CIMIP2C: variants seen among roughly 807,000 people sequenced by gnomAD.
CIMIP2C encodes ciliary microtubule inner protein 2C.
chr2:26,576,680 TG>T, the CIMIP2C span, among the ~76,000 whole-genome samples: 8 of 152,138 alleles, frequency 5.3e-5, no homozygotes, highest in African/African-American at 1.4e-4. Context: ...TGCAGCCCCC[TG>T]GGGGCATGCT....
At chr2:26,567,994 C>G in the CIMIP2C span, among the ~76,000 whole-genome samples, 2 of 152,152 alleles carry the variant, frequency 1.3e-5, no homozygotes, top group East Asian at 3.9e-4. Context: ...AAGGGACCTC[C>G]TCGTGTGAAG....
chr2:26,578,620 C>T, the CIMIP2C span: 1 of 373,920 alleles, frequency 2.7e-6, no homozygotes, highest in Non-Finnish European at 5.4e-6. Flanking sequence ...CGGGGGCTCT[C>T]TCTAATCTTG....
chr2:26,579,497 T>C, the CIMIP2C span: 1 of 1,577,410 alleles, frequency 6.3e-7, no homozygotes, highest in Non-Finnish European at 8.6e-7. Context: ...CCAGCCTGGC[T>C]TGCTTGGAAT....
the CIMIP2C span, chr2:26,562,616 G>A: frequency 6.3e-7 from 1 of 1,579,346 alleles, no homozygotes; most frequent in Non-Finnish European, 8.6e-7. Flanking sequence ...ACCCACCATG[G>A]CCTCCCGCAG....
chr2:26,575,596 G>A, the CIMIP2C span, among the ~76,000 whole-genome samples: 1 of 152,188 alleles, frequency 6.6e-6, no homozygotes, highest in Non-Finnish European at 1.5e-5. Context: ...CCAAAGACCT[G>A]AGCAGGTCAG....
the CIMIP2C span, among the ~76,000 whole-genome samples, chr2:26,567,833 G>A: frequency 6.6e-6 from 1 of 152,178 alleles, no homozygotes; most frequent in Non-Finnish European, 1.5e-5. Flanking sequence ...GTTGGGCTGG[G>A]CCAGGGCTGC....
chr2:26,571,378 G>C, the CIMIP2C span, among the ~76,000 whole-genome samples: 1 of 152,184 alleles, frequency 6.6e-6, no homozygotes, highest in South Asian at 2.1e-4. Context: ...CCTCCTTGTG[G>C]TTGATAGCAC....
chr2:26,569,788 G>A, the CIMIP2C span, among the ~76,000 whole-genome samples: 2 of 152,152 alleles, frequency 1.3e-5, no homozygotes, highest in African/African-American at 2.4e-5. Context: ...AGCAGATGAA[G>A]GGGTTGAAGG....
the CIMIP2C span, among the ~76,000 whole-genome samples, chr2:26,571,822 CGGAT>C: frequency 1.3e-5 from 2 of 151,870 alleles, no homozygotes; most frequent in East Asian, 1.9e-4. Flanking sequence ...AGTGAATGGA[CGGAT>C]GGATGGATGG....
chr2:26,576,588 C>T, the CIMIP2C span, among the ~76,000 whole-genome samples: 367 of 152,290 alleles, frequency 2.4e-3, 3 homozygotes, highest in African/African-American at 8.4e-3. Context: ...GAGCAAAGGC[C>T]CCACTACAGC....
the CIMIP2C span, among the ~76,000 whole-genome samples, chr2:26,567,114 GC>G: frequency 6.6e-6 from 1 of 152,162 alleles, no homozygotes; most frequent in Non-Finnish European, 1.5e-5. Context: ...TTCCTTTGAA[GC>G]CAGTAGGCAC....
At chr2:26,566,881 G>A in the CIMIP2C span, among the ~76,000 whole-genome samples, 1 of 152,088 alleles carries the variant, frequency 6.6e-6, no homozygotes, top group South Asian at 2.1e-4. Flanking sequence ...CACCATACCT[G>A]GCTAATTTTT....
chr2:26,563,645 G>A, the CIMIP2C span, among the ~76,000 whole-genome samples: 1 of 152,212 alleles, frequency 6.6e-6, no homozygotes, highest in East Asian at 1.9e-4. Context: ...TGAATGTCTT[G>A]AGGATTCTGC....
chr2:26,577,164 AAC>A, the CIMIP2C span, among the ~76,000 whole-genome samples: 18 of 152,312 alleles, frequency 1.2e-4, no homozygotes, highest in Non-Finnish European at 8.8e-5. Context: ...GGGGGGAGGA[AAC>A]ACAGGCCAGG....
At chr2:26,577,433 G>T in the CIMIP2C span, 2 of 1,297,894 alleles carry the variant, frequency 1.5e-6, no homozygotes, top group Non-Finnish European at 2.2e-6. Context: ...CCCTGCCCAG[G>T]TGCAGCGAGG....
the CIMIP2C span, chr2:26,577,950 A>G: frequency 2.7e-6 from 1 of 366,180 alleles, no homozygotes; most frequent in Non-Finnish European, 5.0e-6. Context: ...CCTGGCAGCT[A>G]CACTAGTCCT....
At chr2:26,578,684 A>T in the CIMIP2C span, 1 of 465,412 alleles carries the variant, frequency 2.1e-6, no homozygotes, top group South Asian at 1.6e-5. Context: ...TCCTGGGGAC[A>T]GGTATCCTCT....
At chr2:26,565,123 T>C in the CIMIP2C span, among the ~76,000 whole-genome samples, 2 of 149,626 alleles carry the variant, frequency 1.3e-5, no homozygotes, top group Non-Finnish European at 3.0e-5. Context: ...GGAGTCTTGC[T>C]CTGTTGCCCA....
At chr2:26,577,684 C>T in the CIMIP2C span, 81 of 1,314,422 alleles carry the variant, frequency 6.2e-5, no homozygotes, top group African/African-American at 1.1e-3. Flanking sequence ...CATGGGGCAC[C>T]TGCTCTCGGC....
Sources: allele counts gnomAD v4.1 joint callset (sites outside exome capture counted in the v4.1 genomes callset), GRCh38; gene constraint gnomAD v4.1.1; transcripts MANE v1.5; gene names NCBI Gene and HGNC (gene_info 2026-07-23, HGNC 2026-07-21).